DSCAM: variants seen among roughly 807,000 people sequenced by gnomAD.
DSCAM encodes the protein cell adhesion molecule DSCAM.
A neutral mutation model predicts 217.7 loss-of-function variants in DSCAM; 47 were observed. That is an observed-to-expected ratio of 0.22 (90% CI 0.17 to 0.28). The LOEUF (loss-of-function observed/expected upper bound fraction) is 0.28. DSCAM is among the 10% of genes least tolerant of loss of function. The probability of loss-of-function intolerance (pLI) is 1.00; values close to 1 mark genes in which losing one functional copy is unlikely to be tolerated. For synonymous variants in DSCAM, 1,056 were observed against 1,015.3 expected (o/e 1.04, Z -0.76); for missense variants, 2,080 against 2,618.3 (o/e 0.79, Z 4.49).
At chr21:40,830,359 A>T (rs2091877) in intron 1 of DSCAM, among the ~76,000 whole-genome samples, 111,030 of 152,088 alleles carry the variant, frequency 0.73, 40,717 homozygotes, top group African/African-American at 0.78. Flanking sequence ...GCCATGAAGG[A>T]TCCCTCCTAA....
chr21:40,153,649 AC>A (rs1414587453), intron 16 of DSCAM, among the ~76,000 whole-genome samples: 4 of 152,132 alleles, frequency 2.6e-5, no homozygotes, highest in Non-Finnish European at 5.9e-5. Context: ...CATCCACATC[AC>A]CTGGAAAACT....
intron 3 of DSCAM, among the ~76,000 whole-genome samples, chr21:40,576,976 C>T (rs1276898158): frequency 6.7e-6 from 1 of 149,748 alleles, no homozygotes; most frequent in African/African-American, 2.5e-5. Context: ...GCACATGTAC[C>T]CTAAAAGTAT....
rs547200530 is a variant in DSCAM at position 40,491,625 on chromosome 21, A to G, written c.509-122380T>C. Among the ~76,000 whole-genome samples the G allele has an allele frequency of 2.0e-5, 3 of 151,594 alleles. No homozygotes were observed. In the East Asian group the frequency reaches 5.9e-4, roughly 30 times the overall value. ...CTCCCATTTCCTCTCTGTCCTACCT[A>G]CCCTCCTTCTATAAACACCCCCACA... On this transcript the variant is annotated intron_variant, in intron 3 of 32. Transcript: ENST00000400454.
chr21:40,363,161 A>G (rs62223799), intron 4 of DSCAM, among the ~76,000 whole-genome samples: 8,238 of 150,756 alleles, frequency 0.055, 430 homozygotes, highest in African/African-American at 0.14. Flanking sequence ...GCTTGTTGCT[A>G]TTGTTTGCTC....
intron 3 of DSCAM, among the ~76,000 whole-genome samples, chr21:40,590,652 A>G (rs1051296935): frequency 1.3e-5 from 2 of 152,324 alleles, no homozygotes; most frequent in East Asian, 1.9e-4. Flanking sequence ...TAAAAAATAA[A>G]TCTCAAAGTC....
rs1404789999 is a variant in DSCAM, at chr21:40,605,698, T to A, written c.508+87112A>T. Among the ~76,000 whole-genome samples the A allele has an allele frequency of 2.7e-5, 4 of 150,828 alleles. No homozygotes were observed. The East Asian group carries it at 7.8e-4, about 29-fold the overall frequency. ...ATACAGGCTACAGAATGAAAGGCCATCAGGGGCCAAGACATTAGTAAACAT... is the reference window on the plus strand; with the variant it reads ...ATACAGGCTACAGAATGAAAGGCCAACAGGGGCCAAGACATTAGTAAACAT... On this transcript the variant is annotated intron_variant, in intron 3 of 32. Transcript: ENST00000400454.
chr21:40,038,754 C>G (rs1332000913), intron 32 of DSCAM, among the ~76,000 whole-genome samples: 1 of 146,044 alleles, frequency 6.8e-6, no homozygotes, highest in Non-Finnish European at 1.5e-5. Flanking sequence ...ATAGCAAAGA[C>G]TTGGAACCAA....
At chr21:40,436,809 T>C (rs927517457) in intron 3 of DSCAM, among the ~76,000 whole-genome samples, 2 of 151,240 alleles carry the variant, frequency 1.3e-5, no homozygotes, top group African/African-American at 4.9e-5. Context: ...ATAGAGTTCC[T>C]GCATGCATGA....
At chr21:40,705,360 G>A (rs969789801) in intron 2 of DSCAM, among the ~76,000 whole-genome samples, 11 of 152,092 alleles carry the variant, frequency 7.2e-5, no homozygotes, top group Admixed American at 5.9e-4. Flanking sequence ...ACTGCCTGAG[G>A]TCCAGTCTTG....
intron 3 of DSCAM, among the ~76,000 whole-genome samples, chr21:40,598,368 T>C (rs1164072196): frequency 6.6e-6 from 1 of 152,190 alleles, no homozygotes; most frequent in Non-Finnish European, 1.5e-5. Context: ...TTCGGTTGCC[T>C]TTAGTAAACA....
chr21:40,102,824 G>T (rs930637005), intron 20 of DSCAM, among the ~76,000 whole-genome samples: 1 of 152,158 alleles, frequency 6.6e-6, no homozygotes, highest in Non-Finnish European at 1.5e-5. Context: ...TCAATCAGGG[G>T]CTAAGTCTGC....
At chr21:40,816,710 A>G (rs542153306) in intron 1 of DSCAM, among the ~76,000 whole-genome samples, 4 of 152,268 alleles carry the variant, frequency 2.6e-5, no homozygotes, top group Admixed American at 1.3e-4. Flanking sequence ...TCCTAGCCCA[A>G]GGGGATACAT....
chr21:40,458,978 G>A (rs1263393735), intron 3 of DSCAM, among the ~76,000 whole-genome samples: 1 of 151,978 alleles, frequency 6.6e-6, no homozygotes, highest in Non-Finnish European at 1.5e-5. Flanking sequence ...TAAAAGCAAT[G>A]CTCAGGAGAC....
chr21:40,784,601 G>A (rs1454703205), intron 1 of DSCAM, among the ~76,000 whole-genome samples: 1 of 152,168 alleles, frequency 6.6e-6, no homozygotes, highest in Non-Finnish European at 1.5e-5. Flanking sequence ...AAAGTTCATT[G>A]TTGATATCCT....
chr21:40,701,002 T>G (rs1434322908), intron 2 of DSCAM, among the ~76,000 whole-genome samples: 2 of 152,138 alleles, frequency 1.3e-5, no homozygotes, highest in East Asian at 3.9e-4. Flanking sequence ...CTCCCAAAAG[T>G]GCTGGGATTA....
At chr21:40,769,098 G>C (rs1197799876) in intron 1 of DSCAM, among the ~76,000 whole-genome samples, 3 of 145,428 alleles carry the variant, frequency 2.1e-5, no homozygotes, top group Middle Eastern at 3.2e-3. Context: ...AGGCTCATGG[G>C]GGCCCTTCCC....
chr21:40,376,279 A>T (rs907558286), intron 3 of DSCAM, among the ~76,000 whole-genome samples: 4 of 152,048 alleles, frequency 2.6e-5, no homozygotes, highest in African/African-American at 4.8e-5. Flanking sequence ...CGTTTCAATA[A>T]CAGTTTCTGA....
intron 3 of DSCAM, among the ~76,000 whole-genome samples, chr21:40,637,763 C>T (rs922091531): frequency 6.7e-6 from 1 of 148,404 alleles, no homozygotes; most frequent in Non-Finnish European, 1.5e-5. Context: ...ACCTTTGTCT[C>T]CCAGGTTCAA....
intron 3 of DSCAM, among the ~76,000 whole-genome samples, chr21:40,613,468 A>T (rs1279711056): frequency 6.6e-6 from 1 of 152,220 alleles, no homozygotes; most frequent in Non-Finnish European, 1.5e-5. Context: ...AAGATTTTTT[A>T]AAAATTGTAA....
Sources: gnomAD v4.1 joint callset for allele counts (sites outside exome capture counted in the v4.1 genomes callset) on GRCh38, gnomAD v4.1.1 for gene constraint, MANE v1.5 for transcripts, NCBI Gene and HGNC (gene_info 2026-07-23, HGNC 2026-07-21) for gene names.